SEC14L5: variants seen among roughly 807,000 people sequenced by gnomAD.
SEC14L5 encodes the protein SEC14-like protein 5.
Under a neutral mutation model 84.6 loss-of-function variants are expected in SEC14L5, and 96 were observed. That is an observed-to-expected ratio of 1.13 (90% CI 0.96 to 1.34). SEC14L5 has a LOEUF of 1.34. SEC14L5 is among the 40% of genes most tolerant of loss of function. The pLI, the probability that SEC14L5 is intolerant of heterozygous loss-of-function variation, is 0.00. For missense variants in SEC14L5, 1,224 were observed against 942.5 expected, an observed-to-expected ratio of 1.30 and a Z score of -3.91; for synonymous variants, 546 against 383.4, an observed-to-expected ratio of 1.42 and a Z score of -4.95.
intron 2 of SEC14L5, 94 bp from the exon 3 acceptor site, chr16:4,987,463 C>T (rs1596627130): frequency 1.8e-6 from 2 of 1,115,026 alleles, no homozygotes; most frequent in East Asian, 5.8e-5. Flanking sequence ...CCTTTCCCGT[C>T]TGATAAGTGA....
chr16:4,965,197 GT>G (rs1427100066), intron 2 of SEC14L5, among the ~76,000 whole-genome samples: 1 of 152,124 alleles, frequency 6.6e-6, no homozygotes, highest in Non-Finnish European at 1.5e-5. Context: ...ATTCTGCCTT[GT>G]TTTTATGGCT....
intron 10 of SEC14L5, among the ~76,000 whole-genome samples, chr16:5,001,178 C>T (rs1343902495): frequency 2.6e-5 from 4 of 152,092 alleles, no homozygotes; most frequent in East Asian, 1.9e-4. Context: ...TGGATTTGAA[C>T]CTGGGGTCCT....
Position 4,996,334 on chromosome 16 carries a change from C to T in SEC14L5, c.668-14C>T, listed in dbSNP as rs752536767. Reference sequence around the variant, plus strand: ...GTCTCCCTCTTGTCCTGAAGCTCCCCCTTCTCCTCCAAGGGGACAAGCTGG... The same window carrying T: ...GTCTCCCTCTTGTCCTGAAGCTCCCTCTTCTCCTCCAAGGGGACAAGCTGG... On this transcript the variant is annotated splice_polypyrimidine_tract_variant and intron_variant, in intron 6 of 15. Transcript: ENST00000251170. 2.0e-6 allele frequency: 3 copies of T among 1,490,618 alleles called. No individual in the cohort carries two copies. The highest frequency in any genetic ancestry group is 2.7e-6 in the Non-Finnish European group (3 of 1,091,546). The allele number at this position is 1,490,618 out of a possible 1,614,324, so 92.3% of individuals were successfully genotyped here. A position where few individuals can be genotyped will look rare whatever the true frequency, so the allele number is the denominator to read the frequency against.
In SEC14L5 at chr16:4,988,215, C is replaced by G. The variant is rs1596628061; in HGVS notation, c.280C>G (p.Leu94Val). The G allele has an allele frequency of 6.2e-7, 1 of 1,613,816 alleles. No homozygotes were observed. Among genetic ancestry groups the G allele is most frequent in the Non-Finnish European group, 8.5e-7 (1 of 1,179,762 alleles). ...CTTGAACTGGAAGGAGAGGACGCTC[C>G]TCATCGAAGCGCACAATGAGACCTT... is the stretch of plus-strand genomic sequence containing the variant. ...NILNWKERTLLIEAHNETFAN... is the reference protein window; with the variant it reads ...NILNWKERTLVIEAHNETFAN... The change falls in exon 4 of 16, where the codon CTC becomes GTC. Residue 94 changes from leucine (L) to valine (V), a missense_variant. Leu to Val is a conservative substitution (Grantham distance 32). Coordinates refer to ENST00000251170, the MANE Select transcript of SEC14L5 (RefSeq NM_014692.2).
intron 2 of SEC14L5, among the ~76,000 whole-genome samples, chr16:4,974,008 T>C (rs1955309823): frequency 6.6e-6 from 1 of 151,862 alleles, no homozygotes; most frequent in East Asian, 2.0e-4. Context: ...TTCTTGGAAC[T>C]ATCCGGAGAA....
intron 6 of SEC14L5, among the ~76,000 whole-genome samples, chr16:4,992,539 G>A (rs1353652114): frequency 1.3e-5 from 2 of 152,188 alleles, no homozygotes; most frequent in Non-Finnish European, 2.9e-5. Flanking sequence ...GGCGTAAGCC[G>A]TTGCACCCGG....
At chr16:4,963,530 G>C (rs1432666203) in intron 2 of SEC14L5, among the ~76,000 whole-genome samples, 1 of 152,196 alleles carries the variant, frequency 6.6e-6, no homozygotes, top group African/African-American at 2.4e-5. Flanking sequence ...ATTTTTAGTA[G>C]AGACGGGGTT....
intron 15 of SEC14L5, among the ~76,000 whole-genome samples, chr16:5,012,012 C>G (rs1255746277): frequency 6.6e-6 from 1 of 152,194 alleles, no homozygotes; most frequent in African/African-American, 2.4e-5. Context: ...GCTTTAAATT[C>G]TTTCCCGTGG....
chr16:4,972,622 C>T (rs1396537676), intron 2 of SEC14L5, among the ~76,000 whole-genome samples: 1 of 152,236 alleles, frequency 6.6e-6, no homozygotes, highest in Admixed American at 6.5e-5. Flanking sequence ...TCACTGGACA[C>T]AATGTCTTCC....
At chr16:4,996,533 G>A (rs190431879) in intron 7 of SEC14L5, 73 bp downstream of exon 7, 11 of 749,602 alleles carry the variant, frequency 1.5e-5, no homozygotes, top group Non-Finnish European at 2.6e-5. Flanking sequence ...TGCATGGGAA[G>A]GAAAGGCGAG....
chr16:4,979,663 G>C (rs998389459), intron 2 of SEC14L5, among the ~76,000 whole-genome samples: 1 of 152,158 alleles, frequency 6.6e-6, no homozygotes, highest in Non-Finnish European at 1.5e-5. Context: ...TTCTCCCGGG[G>C]CCTGGAGATG....
At chr16:4,987,201 C>CTT (rs34934353) in intron 2 of SEC14L5, among the ~76,000 whole-genome samples, 15,596 of 143,616 alleles carry the variant, frequency 0.11, 1,038 homozygotes, top group Middle Eastern at 0.16. Flanking sequence ...TTTATTGAAT[C>CTT]TTTTTTTTTT....
chr16:5,003,813 A>C (rs1263311966), intron 11 of SEC14L5, among the ~76,000 whole-genome samples: 1 of 152,212 alleles, frequency 6.6e-6, no homozygotes, highest in Non-Finnish European at 1.5e-5. Context: ...TGTCGCCCCA[A>C]AAAGAACCCC....
At chr16:4,960,176 C>G (rs1161202641) in intron 2 of SEC14L5, among the ~76,000 whole-genome samples, 1 of 152,176 alleles carries the variant, frequency 6.6e-6, no homozygotes, top group African/African-American at 2.4e-5. Context: ...TTGGCTGCAT[C>G]CCTCTGCCTC....
Position 5,010,869 on chromosome 16 carries a change from C to T in SEC14L5, c.1801-226C>T, listed in dbSNP as rs577089019. 18 of 518,372 alleles carry T rather than the reference C, an allele frequency of 3.5e-5. No homozygotes were observed. In the South Asian group the frequency reaches 3.5e-4, roughly 10 times the overall value. The allele number at this position is 518,372 out of a possible 1,614,324, so 32.1% of individuals were successfully genotyped here. A position where few individuals can be genotyped will look rare whatever the true frequency, so the allele number is the denominator to read the frequency against. Reference sequence around the variant, plus strand: ...GCACCCCCACCCCCAGGCGTCAGCTCCTCCCCAGATTAAGAGGGAGGCTCT... The same window carrying T: ...GCACCCCCACCCCCAGGCGTCAGCTTCTCCCCAGATTAAGAGGGAGGCTCT... On this transcript the variant is annotated intron_variant, in intron 14 of 15. Coordinates refer to ENST00000251170, the MANE Select transcript of SEC14L5 (RefSeq NM_014692.2).
chr16:5,005,686 C>G (rs907462486), intron 11 of SEC14L5, among the ~76,000 whole-genome samples: 1 of 151,226 alleles, frequency 6.6e-6, no homozygotes, highest in African/African-American at 2.4e-5. Context: ...ATGGTGAAAC[C>G]CCGTCTGTAC....
chr16:4,991,803 C>T (rs778120192), intron 5 of SEC14L5, 35 bp from the exon 6 acceptor site: 20 of 1,495,274 alleles, frequency 1.3e-5, no homozygotes, highest in East Asian at 7.0e-5. Context: ...CATCCTGCCC[C>T]GTGCTCATGT....
rs150975275 is a variant in SEC14L5 at position 5,012,725 on chromosome 16, C to T, written c.1979+1452C>T. Among the ~76,000 whole-genome samples, 637 of 152,012 alleles carry T rather than the reference C, an allele frequency of 4.2e-3. 1 individual carries two copies. Among genetic ancestry groups the T allele is most frequent in the Non-Finnish European group, 7.9e-3 (534 of 67,950 alleles). On this transcript the variant is annotated intron_variant, in intron 15 of 15. Transcript: ENST00000251170. ...TTTGAGACCAGCCTAGCCAACATGG[C>T]GAAACCCCGTCTTTACTAAAAATAC... is the stretch of plus-strand genomic sequence containing the variant.
intron 11 of SEC14L5, 70 bp from the exon 12 acceptor site, chr16:5,005,844 A>G (rs1475126578): frequency 3.4e-6 from 5 of 1,450,894 alleles, no homozygotes; most frequent in Non-Finnish European, 4.5e-6. Flanking sequence ...AGCCTGGGCG[A>G]CTGAGCAAGA....
Sources: gnomAD v4.1 joint callset for allele counts (sites outside exome capture counted in the v4.1 genomes callset) on GRCh38, gnomAD v4.1.1 for gene constraint, MANE v1.5 for transcripts, NCBI Gene and HGNC (gene_info 2026-07-23, HGNC 2026-07-21) for gene names.